Variants in STAU1 observed in about 807,000 individuals in gnomAD.
STAU1 encodes double-stranded RNA-binding protein Staufen homolog 1.
Under a neutral mutation model 62.9 loss-of-function variants are expected in STAU1, and 13 were observed. The ratio of observed to expected loss-of-function variants is 0.21; its 90% confidence interval spans 0.13 to 0.33. The LOEUF (loss-of-function observed/expected upper bound fraction) is 0.33, where lower values mean the gene tolerates loss of function less well. Among genes scored for constraint, STAU1 ranks in the 10% least tolerant of loss-of-function variants. The probability of loss-of-function intolerance (pLI) is 1.00; values close to 1 mark genes in which losing one functional copy is unlikely to be tolerated. For synonymous variants in STAU1, 269 were observed against 265.1 expected, an observed-to-expected ratio of 1.01 and a Z score of -0.14; for missense variants, 571 against 712.1, an observed-to-expected ratio of 0.80 and a Z score of 2.25.
chr20:49,181,513 C>T (rs1283851755), intron 1 of STAU1, among the ~76,000 whole-genome samples: 1 of 152,108 alleles, frequency 6.6e-6, no homozygotes, highest in East Asian at 1.9e-4. Flanking sequence ...GCCTGTAATC[C>T]TATCACTTTG....
At chr20:49,143,034 C>G (rs1287535402) in intron 5 of STAU1, among the ~76,000 whole-genome samples, 3 of 152,020 alleles carry the variant, frequency 2.0e-5, no homozygotes, top group Admixed American at 6.6e-5. Context: ...CTCCTAGGCT[C>G]AAGTGATCCT....
At chr20:49,118,857 GA>G (rs1225403780) in intron 9 of STAU1, among the ~76,000 whole-genome samples, 13 of 152,144 alleles carry the variant, frequency 8.5e-5, no homozygotes, top group Admixed American at 7.2e-4. Flanking sequence ...CCCTTACGGG[GA>G]AAATGTTATT....
intron 6 of STAU1, among the ~76,000 whole-genome samples, chr20:49,133,693 A>G (rs1477666520): frequency 6.6e-6 from 1 of 152,154 alleles, no homozygotes; most frequent in African/African-American, 2.4e-5. Flanking sequence ...CCCTAGATCC[A>G]TGTCGGTGCT....
At chr20:49,131,737 G>A (rs1179006662) in intron 6 of STAU1, among the ~76,000 whole-genome samples, 2 of 151,892 alleles carry the variant, frequency 1.3e-5, no homozygotes, top group African/African-American at 4.8e-5. Context: ...CAGCTACTCA[G>A]GAGGCTGAGG....
At chr20:49,191,545 C>T (rs116464451), upstream of STAU1, among the ~76,000 whole-genome samples, 548 of 152,192 alleles carry the variant, frequency 3.6e-3, 3 homozygotes, top group African/African-American at 0.013. Context: ...TGAAAAATTA[C>T]AGCCTTGCTT....
chr20:49,153,186 C>T lies in STAU1; in HGVS notation c.344+747G>A, dbSNP rs559610119. On this transcript the variant is annotated intron_variant, in intron 4 of 13. Coordinates refer to ENST00000371856, the MANE Select transcript of STAU1 (RefSeq NM_017453.4). ...AATAGCATGAACCCGGGAGGCAGAG[C>T]TTGCAGTGAGCCGAGATCATGCCAC... 2.1e-5 allele frequency among the ~76,000 whole-genome samples: 3 copies of T among 143,034 alleles called. No homozygotes were observed. In the East Asian group the frequency reaches 6.5e-4, roughly 31 times the overall value. The allele number at this position is 143,034 out of a possible 152,430, so 93.8% of individuals were successfully genotyped here.
At chr20:49,176,396 G>A (rs895507431) in intron 1 of STAU1, among the ~76,000 whole-genome samples, 29 of 152,126 alleles carry the variant, frequency 1.9e-4, no homozygotes, top group African/African-American at 6.0e-4. Context: ...CAAATTCTGC[G>A]GTCTGATTTA....
intron 5 of STAU1, among the ~76,000 whole-genome samples, chr20:49,141,911 G>A (rs2093015770): frequency 6.6e-6 from 1 of 151,960 alleles, no homozygotes; most frequent in South Asian, 2.1e-4. Context: ...CTCATTCTCA[G>A]AAATTGCCTT....
intron 3 of STAU1, among the ~76,000 whole-genome samples, chr20:49,156,124 C>A (rs1238098925): frequency 6.6e-6 from 1 of 152,128 alleles, no homozygotes; most frequent in East Asian, 1.9e-4. Context: ...AAGAGACATA[C>A]AACTGGCAAT....
intron 6 of STAU1, chr20:49,134,918 G>T: frequency 1.3e-6 from 2 of 1,594,112 alleles, no homozygotes; most frequent in Non-Finnish European, 1.7e-6. Flanking sequence ...ACTTTGTGAG[G>T]AAGTTTTCGA....
chr20:49,126,588 C>CAAAACAAAACA (rs1555837253), intron 6 of STAU1, among the ~76,000 whole-genome samples: 21 of 56,338 alleles, frequency 3.7e-4, no homozygotes, highest in African/African-American at 1.1e-3. Context: ...AAAAAAAAAA[C>CAAAACAAAACA]AAAAAAAAAA....
chr20:49,146,771 T>C (rs1413810019), intron 5 of STAU1, among the ~76,000 whole-genome samples: 4 of 151,938 alleles, frequency 2.6e-5, no homozygotes, highest in African/African-American at 7.3e-5. Flanking sequence ...AGGATCACAC[T>C]GTATGCACAG....
the STAU1 span, among the ~76,000 whole-genome samples, chr20:49,217,783 G>T: frequency 6.7e-6 from 1 of 149,468 alleles, no homozygotes; most frequent in African/African-American, 2.4e-5. Flanking sequence ...GGAGGTGGAG[G>T]CTGCAGTAAG....
intron 5 of STAU1, among the ~76,000 whole-genome samples, chr20:49,143,150 G>A (rs2093047343): frequency 6.6e-6 from 1 of 152,138 alleles, no homozygotes; most frequent in African/African-American, 2.4e-5. Flanking sequence ...CAAGTAGGGA[G>A]GCAGCAAATG....
chr20:49,218,629 G>A, the STAU1 span, among the ~76,000 whole-genome samples: 4 of 152,060 alleles, frequency 2.6e-5, no homozygotes, highest in African/African-American at 9.7e-5. Context: ...GAGCACAAGC[G>A]ATGCACCCAC....
chr20:49,135,020 G>C (rs1190376663), intron 6 of STAU1: 3 of 1,594,634 alleles, frequency 1.9e-6, no homozygotes, highest in East Asian at 4.5e-5. Context: ...ACAGCGAAGG[G>C]AGCCCGGGCA....
chr20:49,208,901 C>T, the STAU1 span, among the ~76,000 whole-genome samples: 3 of 150,508 alleles, frequency 2.0e-5, no homozygotes, highest in African/African-American at 4.9e-5. Flanking sequence ...GGATTACAGG[C>T]GTGAGCCACT....
the STAU1 span, among the ~76,000 whole-genome samples, chr20:49,201,770 G>A: frequency 6.6e-6 from 1 of 150,774 alleles, no homozygotes; most frequent in African/African-American, 2.4e-5. Context: ...AATGGGGAGG[G>A]GGGAATATTA....
At chr20:49,129,073 A>C (rs2092695018) in intron 6 of STAU1, among the ~76,000 whole-genome samples, 1 of 151,884 alleles carries the variant, frequency 6.6e-6, no homozygotes, top group South Asian at 2.1e-4. Context: ...AAAAAACTTG[A>C]ATTCAGAATA....
Sources: gnomAD v4.1 joint callset for allele counts (sites outside exome capture counted in the v4.1 genomes callset) on GRCh38, gnomAD v4.1.1 for gene constraint, MANE v1.5 for transcripts, NCBI Gene and HGNC (gene_info 2026-07-23, HGNC 2026-07-21) for gene names.